ELSPBP1: variants seen among roughly 807,000 people sequenced by gnomAD.
ELSPBP1 encodes the protein epididymal sperm-binding protein 1.
ELSPBP1 carries 38 observed loss-of-function variants against 33.3 expected under a neutral mutation model. The ratio of observed to expected loss-of-function variants is 1.14; its 90% CI spans 0.88 to 1.50. The LOEUF is 1.50. Ranked by LOEUF, ELSPBP1 falls within the 40% of genes most tolerant of loss-of-function variation. The probability of loss-of-function intolerance (pLI) is 0.00; values close to 1 mark genes in which losing one functional copy is unlikely to be tolerated. For synonymous variants in ELSPBP1, 85 were observed against 94.1 expected, an observed-to-expected ratio of 0.90 and a Z score of 0.56; for missense variants, 267 against 263.5, an observed-to-expected ratio of 1.01 and a Z score of -0.09.
intron 6 of ELSPBP1, among the ~76,000 whole-genome samples, chr19:48,023,554 G>A (rs1011827102): frequency 4.0e-5 from 2 of 50,194 alleles, no homozygotes; most frequent in African/African-American, 9.0e-5. Flanking sequence ...GAAGAAAAGG[G>A]AAGGGAAAGG....
At chr19:48,018,406 C>CAA (rs71181629) in intron 4 of ELSPBP1, among the ~76,000 whole-genome samples, 1 of 151,796 alleles carries the variant, frequency 6.6e-6, no homozygotes, top group Non-Finnish European at 1.5e-5. Context: ...AGACACTAGG[C>CAA]AAAAAAATGG....
In ELSPBP1 at chr19:48,008,704, A is replaced by G; in HGVS notation, c.37A>G (p.Thr13Ala). 6.8e-6 allele frequency: 11 copies of G among 1,613,978 alleles called. No homozygotes were observed. The highest frequency in any genetic ancestry group is 8.5e-6 in the Non-Finnish European group (10 of 1,179,956). ...RWSSYLLGWT[T>A]FLLYSYESSG... is the part of the protein sequence containing the mutation. ...GTCCAGTTACCTGTTGGGATGGACA[A>G]CCTTCCTTCTCTATTCCTATGAGTC... Residue 13 changes from threonine to alanine, a missense_variant, in exon 2 of 7, where the codon ACC becomes GCC. Transcript: ENST00000339841.
chr19:48,002,504 G>C (rs1269298280), intron 1 of ELSPBP1, among the ~76,000 whole-genome samples: 1 of 152,106 alleles, frequency 6.6e-6, no homozygotes, highest in Admixed American at 6.6e-5. Flanking sequence ...AAAACATCTC[G>C]CTTGGGCCGG....
rs201553259 is a variant in ELSPBP1 at position 48,011,461 on chromosome 19, A to C, written c.71-2710A>C. Among the ~76,000 whole-genome samples, 1 of 133,628 alleles carries C rather than the reference A, an allele frequency of 7.5e-6. No homozygotes were observed. The highest frequency in any genetic ancestry group is 7.7e-5 in the Admixed American group (1 of 12,982). The allele number at this position is 133,628 out of a possible 152,430, so 87.7% of individuals were successfully genotyped here. ...TCACGATGACAGTGATGATGATGACAATGACAATAATGAGGTTGATGATAA... is the reference window on the plus strand; with the variant it reads ...TCACGATGACAGTGATGATGATGACCATGACAATAATGAGGTTGATGATAA... On this transcript the variant is annotated intron_variant, in intron 2 of 6. Coordinates refer to ENST00000339841, the MANE Select transcript of ELSPBP1 (RefSeq NM_022142.5). This position sits in a 1 kb window ranked among gnomAD's most constrained non-coding sequence, Gnocchi z 4.5.
rs1419734582 is a variant in ELSPBP1 at position 48,011,626 on chromosome 19, C to T, written c.71-2545C>T. ...ATTATGATGACAATGATGATGACAACGATGATGATGATCATCATCCTGATG... is the reference window on the plus strand; with the variant it reads ...ATTATGATGACAATGATGATGACAATGATGATGATGATCATCATCCTGATG... On this transcript the variant is annotated intron_variant, in intron 2 of 6. Transcript: ENST00000339841. This position sits in a 1 kb window ranked among gnomAD's most constrained non-coding sequence, Gnocchi z 4.5. Among the ~76,000 whole-genome samples the T allele has an allele frequency of 2.0e-5, 3 of 150,660 alleles. No homozygotes were observed. Among genetic ancestry groups the T allele is most frequent in the Non-Finnish European group, 3.0e-5 (2 of 67,776 alleles).
intron 1 of ELSPBP1, among the ~76,000 whole-genome samples, chr19:48,000,213 C>G (rs1388389399): frequency 2.1e-5 from 2 of 93,172 alleles, no homozygotes; most frequent in East Asian, 6.1e-4. Context: ...CCCACCCCGG[C>G]CGCCCCCCAA....
At chr19:47,996,844 CTTAA>C (rs1273860312) in intron 1 of ELSPBP1, among the ~76,000 whole-genome samples, 1 of 152,066 alleles carries the variant, frequency 6.6e-6, no homozygotes, top group African/African-American at 2.4e-5. Flanking sequence ...AAAATGTTTG[CTTAA>C]TTAATTAATT....
intron 1 of ELSPBP1, among the ~76,000 whole-genome samples, chr19:48,000,572 A>T (rs960195613): frequency 2.6e-5 from 4 of 152,116 alleles, no homozygotes; most frequent in Admixed American, 6.6e-5. Context: ...CATATATAGA[A>T]AAGAAAGCTG....
chr19:48,016,111 G>A, intron 4 of ELSPBP1, 72 bp downstream of exon 4: 2 of 1,565,286 alleles, frequency 1.3e-6, no homozygotes, highest in Non-Finnish European at 1.7e-6. Flanking sequence ...CCTGAGGGGA[G>A]GCTGGGCAAG....
At chr19:48,015,118 T>C (rs1967118014) in intron 3 of ELSPBP1, among the ~76,000 whole-genome samples, 1 of 152,132 alleles carries the variant, frequency 6.6e-6, no homozygotes, top group Non-Finnish European at 1.5e-5. Context: ...CCGTATCTCA[T>C]AATAAAGGAA....
chr19:48,015,435 C>G (rs1032097972), intron 3 of ELSPBP1, among the ~76,000 whole-genome samples: 3 of 152,134 alleles, frequency 2.0e-5, no homozygotes, highest in African/African-American at 2.4e-5. Context: ...GCGGGTGGAT[C>G]ACCTGAGGCC....
intron 1 of ELSPBP1, among the ~76,000 whole-genome samples, chr19:48,007,264 T>C (rs2122303178): frequency 6.6e-6 from 1 of 152,274 alleles, no homozygotes; most frequent in Non-Finnish European, 1.5e-5. Context: ...GGGTTTACGT[T>C]GCCTAAGAAC....
At chr19:48,004,863 A>G (rs1967001991) in intron 1 of ELSPBP1, among the ~76,000 whole-genome samples, 1 of 152,186 alleles carries the variant, frequency 6.6e-6, no homozygotes, top group South Asian at 2.1e-4. Context: ...TTAAATGCTC[A>G]ATAAATACTC....
intron 4 of ELSPBP1, 28 bp downstream of exon 4, chr19:48,016,067 T>C (rs558346594): frequency 1.2e-6 from 2 of 1,609,568 alleles, no homozygotes; most frequent in Non-Finnish European, 1.7e-6. Context: ...GGATGGGATG[T>C]GTGGTGGGAG....
chr19:48,023,085 G>A (rs541850679), intron 6 of ELSPBP1, among the ~76,000 whole-genome samples: 42 of 147,680 alleles, frequency 2.8e-4, no homozygotes, highest in African/African-American at 9.7e-4. Flanking sequence ...AGGAAAGAAG[G>A]AAGAAAGATG....
At chr19:48,003,010 G>A (rs1966982288) in intron 1 of ELSPBP1, among the ~76,000 whole-genome samples, 3 of 151,890 alleles carry the variant, frequency 2.0e-5, no homozygotes, top group South Asian at 2.1e-4. Flanking sequence ...CCCTTTTTCC[G>A]ACCAGCCAAG....
At chr19:47,998,373 T>C (rs184483871) in intron 1 of ELSPBP1, among the ~76,000 whole-genome samples, 1 of 151,422 alleles carries the variant, frequency 6.6e-6, no homozygotes, top group African/African-American at 2.4e-5. Context: ...ATCGTGCCAC[T>C]ACACTCTAGC....
intron 1 of ELSPBP1, among the ~76,000 whole-genome samples, chr19:48,003,344 G>A (rs74872675): frequency 2.0e-5 from 3 of 151,776 alleles, no homozygotes; most frequent in Non-Finnish European, 2.9e-5. Context: ...AATAGCTGGG[G>A]TCAAGGGATC....
At chr19:48,013,414 T>C (rs553189348) in intron 2 of ELSPBP1, among the ~76,000 whole-genome samples, 51 of 152,206 alleles carry the variant, frequency 3.4e-4, no homozygotes, top group Admixed American at 1.3e-4. Context: ...TCCATTTGGG[T>C]TGCCATAACA....
Sources: gnomAD v4.1 joint callset for allele counts (sites outside exome capture counted in the v4.1 genomes callset) on GRCh38, gnomAD v4.1.1 for gene constraint, Gnocchi (gnomAD v3.1) non-coding constraint, MANE v1.5 for transcripts, NCBI Gene and HGNC (gene_info 2026-07-23, HGNC 2026-07-21) for gene names.